KIAA0825: variants seen among roughly 807,000 people sequenced by gnomAD.
KIAA0825 encodes KIAA0825.
A neutral mutation model predicts 147.6 loss-of-function variants in KIAA0825; 119 were observed. The observed-to-expected ratio is 0.81, with a 90% CI of 0.69 to 0.94. The LOEUF (loss-of-function observed/expected upper bound fraction) is 0.94, where lower values mean the gene tolerates loss of function less well. KIAA0825 is among the 40% of genes least tolerant of loss of function. The pLI is 0.00. For synonymous variants in KIAA0825, 470 were observed against 518.1 expected, an observed-to-expected ratio of 0.91 and a Z score of 1.26; for missense variants, 1,381 against 1,472.7, an observed-to-expected ratio of 0.94 and a Z score of 1.02.
At chr5:94,154,539 C>CTT (rs1766853155) in intron 20 of KIAA0825, among the ~76,000 whole-genome samples, 1 of 152,106 alleles carries the variant, frequency 6.6e-6, no homozygotes, top group African/African-American at 2.4e-5. Flanking sequence ...GCCAGGAAGC[C>CTT]TTTAGCAGAA....
chr5:94,227,439 T>C (rs1309773750), intron 20 of KIAA0825, among the ~76,000 whole-genome samples: 31 of 151,712 alleles, frequency 2.0e-4, no homozygotes, highest in African/African-American at 7.5e-4. Flanking sequence ...GGAGATATAC[T>C]TAATGCTAAA....
chr5:94,301,396 A>C (rs1021923744), intron 20 of KIAA0825, among the ~76,000 whole-genome samples: 3 of 150,848 alleles, frequency 2.0e-5, no homozygotes, highest in Admixed American at 2.0e-4. Context: ...ATATATATAT[A>C]TATAAAAAAT....
At chr5:94,218,591 CT>C (rs772808736) in intron 20 of KIAA0825, among the ~76,000 whole-genome samples, 45 of 152,196 alleles carry the variant, frequency 3.0e-4, no homozygotes, top group Non-Finnish European at 3.7e-4. Flanking sequence ...CTAAACCAAA[CT>C]GCAGTAGCAA....
Position 94,495,777 on chromosome 5 carries a change from C to T in KIAA0825, c.971-10847G>A, listed in dbSNP as rs1764281491. Among the ~76,000 whole-genome samples the T allele has an allele frequency of 4.6e-5, 7 of 152,282 alleles. No homozygotes were observed. In the South Asian group the frequency reaches 1.5e-3, roughly 32 times the overall value. On this transcript the variant is annotated intron_variant, in intron 5 of 20. Coordinates refer to ENST00000682413, the MANE Select transcript of KIAA0825 (RefSeq NM_001145678.3). Reference sequence around the variant, plus strand: ...AAAATATCTGGAGTTGACTGTCATCCTATTTTGATATAACTGGTTAATACT... The same window carrying T: ...AAAATATCTGGAGTTGACTGTCATCTTATTTTGATATAACTGGTTAATACT...
At chr5:94,482,692 A>T (rs1196576906) in intron 6 of KIAA0825, among the ~76,000 whole-genome samples, 8 of 152,060 alleles carry the variant, frequency 5.3e-5, no homozygotes, top group Non-Finnish European at 1.0e-4. Flanking sequence ...TTCCCTCAAG[A>T]TCATTCTTCT....
chr5:94,387,433 C>T (rs1274319738), intron 18 of KIAA0825, among the ~76,000 whole-genome samples: 2 of 152,164 alleles, frequency 1.3e-5, no homozygotes, highest in African/African-American at 2.4e-5. Context: ...GTGGTTCACA[C>T]CTGTAATCCC....
At chr5:94,216,715 T>C (rs1773233572) in intron 20 of KIAA0825, among the ~76,000 whole-genome samples, 1 of 152,200 alleles carries the variant, frequency 6.6e-6, no homozygotes, top group African/African-American at 2.4e-5. Flanking sequence ...CTCTAAGAAC[T>C]TCTCAATGCA....
chr5:94,194,249 C>CTCCTGGCTTTTCTTCTCATG (rs1770927669), intron 20 of KIAA0825, among the ~76,000 whole-genome samples: 1 of 152,284 alleles, frequency 6.6e-6, no homozygotes, highest in African/African-American at 2.4e-5. Flanking sequence ...TCACACCACT[C>CTCCTGGCTTTTCTTCTCATG]TCCTGGCTTT....
intron 4 of KIAA0825, among the ~76,000 whole-genome samples, chr5:94,521,398 T>C (rs1360045286): frequency 6.6e-6 from 1 of 151,786 alleles, no homozygotes; most frequent in African/African-American, 2.4e-5. Flanking sequence ...TTTAAAATCA[T>C]TCTAGAATAT....
intron 1 of KIAA0825, among the ~76,000 whole-genome samples, chr5:94,588,145 G>A (rs2152383560): frequency 6.6e-6 from 1 of 152,266 alleles, no homozygotes; most frequent in East Asian, 1.9e-4. Flanking sequence ...AAGACTTCAT[G>A]ACTAAAACAA....
At chr5:94,223,634 C>A (rs1319394341) in intron 20 of KIAA0825, among the ~76,000 whole-genome samples, 1 of 152,074 alleles carries the variant, frequency 6.6e-6, no homozygotes, top group Non-Finnish European at 1.5e-5. Flanking sequence ...CTATGATGTA[C>A]AAATATGCTA....
intron 20 of KIAA0825, among the ~76,000 whole-genome samples, chr5:94,156,096 A>G (rs888792774): frequency 2.0e-5 from 3 of 152,220 alleles, no homozygotes; most frequent in Non-Finnish European, 4.4e-5. Context: ...AACACTTGAG[A>G]TATCACTCTT....
At chr5:94,586,407 A>C (rs1324720196) in intron 1 of KIAA0825, among the ~76,000 whole-genome samples, 1 of 152,230 alleles carries the variant, frequency 6.6e-6, no homozygotes, top group African/African-American at 2.4e-5. Context: ...GAATACTATA[A>C]ACACCTCTAT....
intron 4 of KIAA0825, 57 bp downstream of exon 4, chr5:94,523,873 G>A (rs1768730193): frequency 9.0e-7 from 1 of 1,117,252 alleles, no homozygotes; most frequent in Non-Finnish European, 1.3e-6. Flanking sequence ...GAAATTGAAT[G>A]AGTTGTATTC....
At chr5:94,352,601 G>A (rs768570398) in intron 20 of KIAA0825, among the ~76,000 whole-genome samples, 1 of 152,106 alleles carries the variant, frequency 6.6e-6, no homozygotes, top group Non-Finnish European at 1.5e-5. Context: ...GTCATTATTC[G>A]AAAAAGACAC....
intron 10 of KIAA0825, among the ~76,000 whole-genome samples, chr5:94,466,127 T>TA (rs201178907): frequency 9.1e-4 from 134 of 147,506 alleles, no homozygotes; most frequent in East Asian, 6.1e-3. Context: ...AAATGTCATG[T>TA]AAAAAAAAAA....
At chr5:94,200,095 T>C (rs999360247) in intron 20 of KIAA0825, among the ~76,000 whole-genome samples, 5 of 152,178 alleles carry the variant, frequency 3.3e-5, no homozygotes, top group Admixed American at 1.3e-4. Context: ...ACGGCCATGT[T>C]CCACTGCAGC....
chr5:94,229,398 G>C (rs554355202), intron 20 of KIAA0825, among the ~76,000 whole-genome samples: 1 of 152,078 alleles, frequency 6.6e-6, no homozygotes, highest in African/African-American at 2.4e-5. Context: ...TTTATCCCCA[G>C]AGAGTTATAA....
chr5:94,289,153 A>G (rs528446607), intron 20 of KIAA0825, among the ~76,000 whole-genome samples: 3 of 152,312 alleles, frequency 2.0e-5, no homozygotes, highest in African/African-American at 7.2e-5. Flanking sequence ...AGTTATTTCT[A>G]TAACTATCAT....
Sources: gnomAD v4.1 joint callset for allele counts (sites outside exome capture counted in the v4.1 genomes callset) on GRCh38, gnomAD v4.1.1 for gene constraint, MANE v1.5 for transcripts, NCBI Gene and HGNC (gene_info 2026-07-23, HGNC 2026-07-21) for gene names.